Variants in FCHO2 observed in about 807,000 individuals in gnomAD.
FCHO2 encodes FCH and mu domain containing endocytic adaptor 2, also known as F-BAR domain only protein 2.
Under a neutral mutation model 114.1 loss-of-function variants are expected in FCHO2, and 43 were observed. The ratio of observed to expected loss-of-function variants is 0.38; its 90% CI spans 0.30 to 0.49. FCHO2 has a LOEUF of 0.49. Ranked by LOEUF, FCHO2 falls within the 20% of genes least tolerant of loss-of-function variation. The pLI is 0.97. For missense variants in FCHO2, 807 were observed against 950.4 expected (o/e 0.85, Z 1.98); for synonymous variants, 293 against 315.2 (o/e 0.93, Z 0.75).
chr5:73,028,398 A>T (rs1474737486), intron 8 of FCHO2, among the ~76,000 whole-genome samples: 1 of 152,166 alleles, frequency 6.6e-6, no homozygotes, highest in East Asian at 1.9e-4. Flanking sequence ...AAAAGGAAAT[A>T]TATGTGCAAA....
At chr5:72,995,421 A>G (rs1754039250) in intron 5 of FCHO2, among the ~76,000 whole-genome samples, 1 of 151,910 alleles carries the variant, frequency 6.6e-6, no homozygotes, top group South Asian at 2.1e-4. Flanking sequence ...TCGCCTGGCT[A>G]ATTTTTGTGT....
rs1211022062 is a variant in FCHO2 at position 73,087,590 on chromosome 5, T to G, written c.2247T>G (p.Gly749=). 6.2e-7 allele frequency: 1 copy of G among 1,613,742 alleles called. No individual in the cohort carries two copies. Among genetic ancestry groups the G allele is most frequent in the Middle Eastern group, 1.7e-4 (1 of 6,060 alleles). ...AGTGCTTTATTCTTTTCTTTGTAGG[T>G]TCTGGGTCCCTCCGAGCAAAATTTG... ...SSISEKSENG[G]SGSLRAKFDL... The change falls in exon 25 of 26, where the codon GGT becomes GGG. Residue 749 remains glycine, a splice_region_variant and synonymous_variant. Coordinates refer to ENST00000430046, the MANE Select transcript of FCHO2 (RefSeq NM_138782.3).
At chr5:73,049,098 G>T (rs1038328647) in intron 11 of FCHO2, among the ~76,000 whole-genome samples, 1 of 151,480 alleles carries the variant, frequency 6.6e-6, no homozygotes, top group African/African-American at 2.4e-5. Flanking sequence ...GGATGGTCTC[G>T]ATCTCCTGAC....
At chr5:72,964,885 T>C (rs914279008) in intron 1 of FCHO2, among the ~76,000 whole-genome samples, 1 of 152,266 alleles carries the variant, frequency 6.6e-6, no homozygotes, top group South Asian at 2.1e-4. Flanking sequence ...AAATAATTCA[T>C]AAGCATTGAA....
intron 1 of FCHO2, among the ~76,000 whole-genome samples, chr5:72,963,639 C>T (rs936433081): frequency 6.6e-6 from 1 of 152,086 alleles, no homozygotes; most frequent in African/African-American, 2.4e-5. Flanking sequence ...GCCTTGAACT[C>T]CTGGGCTCCA....
At chr5:73,042,956 TCTCA>T (rs1463592487) in intron 11 of FCHO2, among the ~76,000 whole-genome samples, 1 of 152,206 alleles carries the variant, frequency 6.6e-6, no homozygotes, top group Non-Finnish European at 1.5e-5. Context: ...GGAAACAAGG[TCTCA>T]CTCTGTTGCT....
chr5:73,069,437 A>C (rs1742523391), intron 19 of FCHO2, among the ~76,000 whole-genome samples: 1 of 152,074 alleles, frequency 6.6e-6, no homozygotes, highest in African/African-American at 2.4e-5. Context: ...TCTTGCAACT[A>C]GTCAGTCCCA....
At chr5:72,983,781 C>G (rs1417718953) in intron 2 of FCHO2, among the ~76,000 whole-genome samples, 1 of 151,748 alleles carries the variant, frequency 6.6e-6, no homozygotes, top group Non-Finnish European at 1.5e-5. Flanking sequence ...TTTGGCTCTT[C>G]TAGATCTTTT....
At chr5:73,022,390 CT>C (rs1462003779) in intron 8 of FCHO2, among the ~76,000 whole-genome samples, 1 of 152,018 alleles carries the variant, frequency 6.6e-6, no homozygotes, top group Non-Finnish European at 1.5e-5. Flanking sequence ...TTTTTTGTGA[CT>C]TTTTTTCTTT....
At chr5:72,995,915 C>T (rs972498331) in intron 5 of FCHO2, among the ~76,000 whole-genome samples, 6 of 152,042 alleles carry the variant, frequency 3.9e-5, no homozygotes, top group Admixed American at 3.3e-4. Flanking sequence ...CATAGCAGCT[C>T]CTCTAATCAT....
chr5:73,081,672 T>G, intron 22 of FCHO2, 111 bp from the exon 23 acceptor site: 1 of 708,456 alleles, frequency 1.4e-6, no homozygotes, highest in Non-Finnish European at 2.1e-6. Flanking sequence ...GATAGTCCCC[T>G]CATTAGATAT....
chr5:73,056,210 T>C (rs776594230), intron 16 of FCHO2, 103 bp downstream of exon 16: 20 of 832,842 alleles, frequency 2.4e-5, no homozygotes, highest in African/African-American at 3.5e-5. Context: ...TTTCCCTTTA[T>C]GCTCCCTGCC....
chr5:73,050,178 A>G (rs189604942), intron 11 of FCHO2, among the ~76,000 whole-genome samples: 1 of 152,184 alleles, frequency 6.6e-6, no homozygotes, highest in Admixed American at 6.5e-5. Context: ...ACCATTCAGT[A>G]TTTATCATCT....
chr5:73,085,734 C>T (rs1743279121), intron 24 of FCHO2, among the ~76,000 whole-genome samples: 1 of 151,412 alleles, frequency 6.6e-6, no homozygotes, highest in Non-Finnish European at 1.5e-5. Flanking sequence ...AAGATTGCAC[C>T]ACTGTATTCC....
At chr5:73,011,148 C>T (rs1003451423) in intron 6 of FCHO2, among the ~76,000 whole-genome samples, 8 of 152,110 alleles carry the variant, frequency 5.3e-5, no homozygotes, top group Non-Finnish European at 1.0e-4. Flanking sequence ...GATTGCAGGA[C>T]TGGAAGTTGC....
intron 18 of FCHO2, among the ~76,000 whole-genome samples, chr5:73,066,351 A>G (rs1463167848): frequency 1.3e-5 from 2 of 151,978 alleles, no homozygotes; most frequent in Non-Finnish European, 2.9e-5. Flanking sequence ...GTTTTCAGAA[A>G]TTTATTTGAC....
At chr5:73,010,875 CAAAAAAAAAAAAAAA>C (rs57820498) in intron 6 of FCHO2, among the ~76,000 whole-genome samples, 8 of 25,736 alleles carry the variant, frequency 3.1e-4, no homozygotes, top group African/African-American at 4.8e-4. Context: ...GACTCTGTCT[CAAAAAAAAAAAAAAA>C]AAAAAAAAAA....
At chr5:72,984,661 T>TTTA (rs1001861375) in intron 2 of FCHO2, among the ~76,000 whole-genome samples, 2 of 152,076 alleles carry the variant, frequency 1.3e-5, no homozygotes, top group Non-Finnish European at 1.5e-5. Flanking sequence ...GTTGCAAAAA[T>TTTA]TTATTATTAT....
intron 5 of FCHO2, among the ~76,000 whole-genome samples, chr5:72,991,974 CAG>C (rs1395936432): frequency 4.6e-5 from 7 of 152,062 alleles, no homozygotes; most frequent in Non-Finnish European, 7.4e-5. Context: ...CAAATCAACT[CAG>C]AAATTAATAT....
Sources: allele counts gnomAD v4.1 joint callset (sites outside exome capture counted in the v4.1 genomes callset), GRCh38; gene constraint gnomAD v4.1.1; transcripts MANE v1.5; gene names NCBI Gene and HGNC (gene_info 2026-07-23, HGNC 2026-07-21).